Variants in SPICE1 observed in about 807,000 individuals in gnomAD.
SPICE1 encodes the protein spindle and centriole associated protein 1.
A neutral mutation model predicts 102.7 loss-of-function variants in SPICE1; 75 were observed. That is an observed-to-expected ratio of 0.73 (90% CI 0.61 to 0.88). The LOEUF (loss-of-function observed/expected upper bound fraction) is 0.88, where lower values mean the gene tolerates loss of function less well. Ranked by LOEUF, SPICE1 falls within the 40% of genes least tolerant of loss-of-function variation. The pLI is 0.00. For missense variants in SPICE1, 979 were observed against 1,020.1 expected (o/e 0.96, Z 0.55); for synonymous variants, 308 against 350.3 (o/e 0.88, Z 1.35).
intron 2 of SPICE1, among the ~76,000 whole-genome samples, chr3:113,504,717 A>G (rs1937075795): frequency 6.6e-6 from 1 of 152,182 alleles, no homozygotes; most frequent in African/African-American, 2.4e-5. Flanking sequence ...CATGGAAGAA[A>G]ATAATAATTC....
rs1200907236 is a variant in SPICE1, at chr3:113,443,196, C to A, written c.*2111G>T. Reference sequence around the variant, plus strand: ...TTTACATACACTTGCCTCACTTAATCCTCACAAGCCTCTAGGGAAGACATT... The same window carrying A: ...TTTACATACACTTGCCTCACTTAATACTCACAAGCCTCTAGGGAAGACATT... On this transcript the variant is annotated 3_prime_UTR_variant, in exon 18 of 18. Coordinates refer to ENST00000295872, the MANE Select transcript of SPICE1 (RefSeq NM_144718.4). 6.6e-6 allele frequency: 1 copy of A among 152,202 alleles called. No individual in the cohort carries two copies. The highest frequency in any genetic ancestry group is 1.5e-5 in the Non-Finnish European group (1 of 68,042). The allele number at this position is 152,202 out of a possible 1,614,324, so 9.4% of individuals were successfully genotyped here.
chr3:113,470,180 G>T (rs976396919), intron 7 of SPICE1, among the ~76,000 whole-genome samples: 1 of 152,154 alleles, frequency 6.6e-6, no homozygotes, highest in South Asian at 2.1e-4. Flanking sequence ...TAGTATAAAA[G>T]CAAGAACAAA....
chr3:113,449,413 C>T lies in SPICE1; in HGVS notation c.2323+923G>A, dbSNP rs539864515. On this transcript the variant is annotated intron_variant, in intron 15 of 17. Transcript: ENST00000295872. Reference sequence around the variant, plus strand: ...CTAATCAGAAGTTGTCTCTAGGCTTCATAACTATGAAGAACAGTAGACAAA... The same window carrying T: ...CTAATCAGAAGTTGTCTCTAGGCTTTATAACTATGAAGAACAGTAGACAAA... 6 of 152,258 alleles carry T rather than the reference C, an allele frequency of 3.9e-5. No homozygotes were observed. In the South Asian group the frequency reaches 1.2e-3, roughly 32 times the overall value. 9.4% of individuals were successfully genotyped at this position (152,258 alleles called of 1,614,324 possible). A position where few individuals can be genotyped will look rare whatever the true frequency, so the allele number is the denominator to read the frequency against.
intron 1 of SPICE1, chr3:113,514,424 C>A (rs1937283412): frequency 2.8e-6 from 1 of 351,918 alleles, no homozygotes; most frequent in Non-Finnish European, 5.6e-6. Flanking sequence ...CCTCTAGATT[C>A]GGATGGCTCC....
chr3:113,478,675 A>T (rs900833931), intron 7 of SPICE1, among the ~76,000 whole-genome samples: 2 of 152,186 alleles, frequency 1.3e-5, no homozygotes, highest in Non-Finnish European at 2.9e-5. Context: ...TTAATACACC[A>T]TTCTCAGAAG....
chr3:113,488,800 T>C (rs1936700783), intron 7 of SPICE1, 145 bp downstream of exon 7: 2 of 576,976 alleles, frequency 3.5e-6, no homozygotes, highest in Non-Finnish European at 6.1e-6. Flanking sequence ...ATATTATCCC[T>C]GCAAATTATT....
chr3:113,450,574 C>T, intron 14 of SPICE1, 58 bp from the exon 15 acceptor site: 1 of 1,473,290 alleles, frequency 6.8e-7, no homozygotes, highest in Non-Finnish European at 9.0e-7. Flanking sequence ...AAAATCTCTC[C>T]CACGATTTTT....
intron 15 of SPICE1, 23 bp downstream of exon 15, chr3:113,450,313 T>C (rs776114026): frequency 2.5e-6 from 4 of 1,613,496 alleles, no homozygotes; most frequent in Admixed American, 1.7e-5. Context: ...TTCTAGTTTT[T>C]AAATCATGAA....
At chr3:113,471,512 C>T (rs553396178) in intron 7 of SPICE1, among the ~76,000 whole-genome samples, 2 of 152,228 alleles carry the variant, frequency 1.3e-5, no homozygotes, top group South Asian at 2.1e-4. Flanking sequence ...GATACCTTGA[C>T]GTTGGCCTAG....
intron 11 of SPICE1, among the ~76,000 whole-genome samples, chr3:113,465,375 G>GT: frequency 6.6e-6 from 1 of 152,274 alleles, no homozygotes; most frequent in Middle Eastern, 3.4e-3. Context: ...ATTAACTACT[G>GT]TAACACTTGT....
At chr3:113,508,045 T>C (rs754079376) in intron 1 of SPICE1, among the ~76,000 whole-genome samples, 5 of 152,138 alleles carry the variant, frequency 3.3e-5, no homozygotes, top group Non-Finnish European at 5.9e-5. Context: ...GAATAGTCTT[T>C]TCAACAGATG....
intron 7 of SPICE1, among the ~76,000 whole-genome samples, chr3:113,483,925 T>C (rs1044957598): frequency 6.6e-6 from 1 of 152,196 alleles, no homozygotes; most frequent in Non-Finnish European, 1.5e-5. Flanking sequence ...TCTTTTTCTA[T>C]TGTTTGGAAT....
At position 113,502,287 on chromosome 3, in the gene SPICE1, T is replaced by C. The variant is rs552078510; in HGVS notation, c.147+893A>G. Among the ~76,000 whole-genome samples, 155 of 152,252 alleles carry C rather than the reference T, an allele frequency of 1.0e-3. No homozygotes were observed. The Middle Eastern group carries it at 0.017, about 17-fold the overall frequency. ...AGTACTCAAGATGCTGAGGTGGAGATGGCTTGATCACAGGAGGTGGAGGCT... is the reference window on the plus strand; with the variant it reads ...AGTACTCAAGATGCTGAGGTGGAGACGGCTTGATCACAGGAGGTGGAGGCT... On this transcript the variant is annotated intron_variant, in intron 3 of 17. Coordinates refer to ENST00000295872, the MANE Select transcript of SPICE1 (RefSeq NM_144718.4).
intron 2 of SPICE1, 49 bp downstream of exon 2, chr3:113,506,458 C>T: frequency 7.0e-7 from 1 of 1,437,864 alleles, no homozygotes; most frequent in Non-Finnish European, 9.7e-7. Context: ...TCACTGTGTC[C>T]ATTTCTCCAG....
chr3:113,483,482 C>A (rs1380647608), intron 7 of SPICE1, among the ~76,000 whole-genome samples: 1 of 149,720 alleles, frequency 6.7e-6, no homozygotes, highest in Non-Finnish European at 1.5e-5. Flanking sequence ...TTGCCTTTTG[C>A]CTTGCCCATC....
At chr3:113,448,802 C>T (rs1391921240) in intron 15 of SPICE1, 2 of 152,080 alleles carry the variant, frequency 1.3e-5, no homozygotes, top group Non-Finnish European at 2.9e-5. Flanking sequence ...ACAAAATATT[C>T]CTCAGTTACC....
At chr3:113,451,102 T>C (rs551531008) in intron 14 of SPICE1, among the ~76,000 whole-genome samples, 106 of 152,280 alleles carry the variant, frequency 7.0e-4, no homozygotes, top group African/African-American at 2.5e-3. Flanking sequence ...GGATCTGCTA[T>C]CTTGGAAACA....
At chr3:113,506,327 C>T (rs529998036) in intron 2 of SPICE1, among the ~76,000 whole-genome samples, 180 bp downstream of exon 2, 2 of 152,194 alleles carry the variant, frequency 1.3e-5, no homozygotes, top group South Asian at 2.1e-4. Flanking sequence ...TTCTAAAAAC[C>T]TCCCCCAAAG....
At chr3:113,464,149 A>G (rs1935997572) in intron 11 of SPICE1, among the ~76,000 whole-genome samples, 1 of 152,024 alleles carries the variant, frequency 6.6e-6, no homozygotes, top group Non-Finnish European at 1.5e-5. Context: ...GCTGGCATAC[A>G]ACTTCAAACA....
Sources: gnomAD v4.1 joint callset for allele counts (sites outside exome capture counted in the v4.1 genomes callset) on GRCh38, gnomAD v4.1.1 for gene constraint, MANE v1.5 for transcripts, NCBI Gene and HGNC (gene_info 2026-07-23, HGNC 2026-07-21) for gene names.